The following CLCN4 variants were observed in gnomAD, a reference collection of about 807,000 sequenced individuals.
The protein encoded by CLCN4 is H(+)/Cl(-) exchange transporter 4.
Under a neutral mutation model 41.7 loss-of-function variants are expected in CLCN4, and 1 was observed. That is an observed-to-expected ratio of 0.02 (90% CI 0.01 to 0.11). CLCN4 has a LOEUF of 0.11. Among genes scored for constraint, CLCN4 ranks in the 10% least tolerant of loss-of-function variants. CLCN4 has a pLI of 1.00. For synonymous variants in CLCN4, 277 were observed against 285.8 expected, an observed-to-expected ratio of 0.97 and a Z score of 0.31; for missense variants, 287 against 661.0, an observed-to-expected ratio of 0.43 and a Z score of 6.20.
At chrX:10,204,613 CTTTTTTTTTTTTTTTT>C (rs61453535) in intron 6 of CLCN4, among the ~76,000 whole-genome samples, 2,295 of 27,326 alleles carry the variant, frequency 0.084, 58 homozygotes, top group Admixed American at 0.2. Context: ...AGCTAGTAGT[CTTTTTTTTTTTTTTTT>C]TTTTTTTTTT....
rs372230401 is a variant in CLCN4, at chrX:10,235,287, AG to A, written c.*1704del. ...GGTACAATGTCTATCAGGAAAGCAA[AG>A]CTTCCCCAGAGACGCTCAGCTTGTA... On this transcript the variant is annotated 3_prime_UTR_variant, in exon 13 of 13. Coordinates refer to ENST00000380833, the MANE Select transcript of CLCN4 (RefSeq NM_001830.4). The A allele has an allele frequency of 5.3e-5, 6 of 112,470 alleles. No individual in the cohort carries two copies. Among genetic ancestry groups the A allele is most frequent in the African/African-American group, 1.6e-4 (5 of 30,912 alleles). 9.3% of individuals were successfully genotyped at this position (112,470 alleles called of 1,213,427 possible). A position where few individuals can be genotyped will look rare whatever the true frequency, so the allele number is the denominator to read the frequency against.
intron 4 of CLCN4, among the ~76,000 whole-genome samples, chrX:10,193,822 G>A (rs1040480501): frequency 9.0e-6 from 1 of 111,521 alleles, no homozygotes; most frequent in African/African-American, 3.3e-5. Context: ...GCTGTAGTTT[G>A]TGGATCCTGT....
intron 11 of CLCN4, among the ~76,000 whole-genome samples, chrX:10,219,629 C>T (rs1343503229): frequency 8.9e-6 from 1 of 112,031 alleles, no homozygotes; most frequent in African/African-American, 3.3e-5. Context: ...CATTAGAGTA[C>T]TCTATTGCAC....
chrX:10,225,547 G>T (rs983497975), intron 12 of CLCN4, among the ~76,000 whole-genome samples: 2 of 111,882 alleles, frequency 1.8e-5, no homozygotes, highest in African/African-American at 6.5e-5. Context: ...TAGGTTGTCC[G>T]TTCACTCTGA....
Position 10,233,752 on chromosome X carries a change from A to G in CLCN4, c.*168A>G, listed in dbSNP as rs1602170620. 4.6e-6 allele frequency: 2 copies of G among 438,883 alleles called. No homozygotes were observed. The highest frequency in any genetic ancestry group is 7.8e-5 in the East Asian group (2 of 25,536). The allele number at this position is 438,883 out of a possible 1,213,427, so 36.2% of individuals were successfully genotyped here. On this transcript the variant is annotated 3_prime_UTR_variant, in exon 13 of 13. Coordinates refer to ENST00000380833, the MANE Select transcript of CLCN4 (RefSeq NM_001830.4). ...GAAACCTTTAAAAACAAAAACAAAA[A>G]CATCAATGAGTAGGCATTTTATAGC...
intron 2 of CLCN4, among the ~76,000 whole-genome samples, chrX:10,184,526 T>C (rs745543956): frequency 8.8e-4 from 98 of 111,734 alleles, no homozygotes; most frequent in Non-Finnish European, 1.7e-3. Context: ...TTTTGTGCTT[T>C]TTTTGTTGGT....
At chrX:10,178,141 G>T (rs1463765342) in intron 2 of CLCN4, among the ~76,000 whole-genome samples, 1 of 107,901 alleles carries the variant, frequency 9.3e-6, no homozygotes, top group East Asian at 3.0e-4. Context: ...TAGGCTGGGA[G>T]AAGGAAGTGA....
chrX:10,169,769 T>C (rs1923339702), intron 2 of CLCN4, among the ~76,000 whole-genome samples: 1 of 91,249 alleles, frequency 1.1e-5, no homozygotes, highest in Non-Finnish European at 2.1e-5. Flanking sequence ...TTGATTCTTT[T>C]TTTTTCTTTT....
At chrX:10,167,042 G>T (rs542201309) in intron 2 of CLCN4, among the ~76,000 whole-genome samples, 1 of 112,808 alleles carries the variant, frequency 8.9e-6, no homozygotes, top group Non-Finnish European at 1.9e-5. Context: ...GAGTGCTGGG[G>T]GCAGGGCCGG....
intron 2 of CLCN4, among the ~76,000 whole-genome samples, chrX:10,160,048 T>G (rs1467437175): frequency 9.1e-6 from 1 of 109,815 alleles, no homozygotes; most frequent in Non-Finnish European, 1.9e-5. Context: ...TGTAGGATGT[T>G]TAGCAGAATC....
rs547727312 is a variant in CLCN4, at chrX:10,191,387, A to C, written c.245-3524A>C. Among the ~76,000 whole-genome samples the C allele has an allele frequency of 3.9e-4, 44 of 112,627 alleles. No homozygotes were observed. In the South Asian group the frequency reaches 0.016, roughly 41 times the overall value. On this transcript the variant is annotated intron_variant, in intron 4 of 12. Coordinates refer to ENST00000380833, the MANE Select transcript of CLCN4 (RefSeq NM_001830.4). ...AGTACTTCATTCCTTTTCACTACCAAGTACAATTCCATTGTATGGATAGAC... is the reference window on the plus strand; with the variant it reads ...AGTACTTCATTCCTTTTCACTACCACGTACAATTCCATTGTATGGATAGAC...
At chrX:10,173,246 C>A (rs1329726613) in intron 2 of CLCN4, among the ~76,000 whole-genome samples, 3 of 111,294 alleles carry the variant, frequency 2.7e-5, no homozygotes, top group Non-Finnish European at 5.7e-5. Context: ...GGGCCACACC[C>A]CAGCTCTCCA....
intron 2 of CLCN4, among the ~76,000 whole-genome samples, chrX:10,172,516 C>G (rs1923407164): frequency 9.0e-6 from 1 of 111,515 alleles, no homozygotes; most frequent in Non-Finnish European, 1.9e-5. Flanking sequence ...AGTTCGCATG[C>G]CTGGGGTCGT....
chrX:10,190,154 G>T (rs1278100208), intron 4 of CLCN4, among the ~76,000 whole-genome samples: 1 of 111,367 alleles, frequency 9.0e-6, no homozygotes, highest in African/African-American at 3.3e-5. Context: ...TTTAGTGAGC[G>T]GTCGCACTGC....
intron 9 of CLCN4, among the ~76,000 whole-genome samples, chrX:10,210,956 C>CTT (rs779318421): frequency 2.4e-3 from 204 of 86,565 alleles, no homozygotes; most frequent in African/African-American, 6.0e-3. Context: ...CCTGAATTGT[C>CTT]TTTTTTTTTT....
intron 11 of CLCN4, among the ~76,000 whole-genome samples, chrX:10,215,818 C>G (rs1220999010): frequency 8.9e-6 from 1 of 112,207 alleles, no homozygotes; most frequent in Non-Finnish European, 1.9e-5. Flanking sequence ...CAACCAAGTA[C>G]TCTTCTCGAA....
At chrX:10,198,185 C>A in intron 6 of CLCN4, 124 bp downstream of exon 6, 2 of 659,718 alleles carry the variant, frequency 3.0e-6, no homozygotes, top group Non-Finnish European at 4.5e-6. Flanking sequence ...CTCAATAAGA[C>A]TATGACGTAG....
chrX:10,180,628 G>A (rs1313801567), intron 2 of CLCN4, among the ~76,000 whole-genome samples: 2 of 109,671 alleles, frequency 1.8e-5, no homozygotes, highest in Non-Finnish European at 1.9e-5. Flanking sequence ...TTAGCTGGGC[G>A]TGGTGGTGCA....
intron 12 of CLCN4, among the ~76,000 whole-genome samples, chrX:10,225,852 T>A (rs945400853): frequency 1.8e-5 from 2 of 111,604 alleles, no homozygotes; most frequent in African/African-American, 6.5e-5. Context: ...AAATAGGGAG[T>A]CCTTTCCCCA....
Sources: gnomAD v4.1 joint callset for allele counts (sites outside exome capture counted in the v4.1 genomes callset) on GRCh38, gnomAD v4.1.1 for gene constraint, MANE v1.5 for transcripts, NCBI Gene and HGNC (gene_info 2026-07-23, HGNC 2026-07-21) for gene names.